AOAH: variants seen among roughly 807,000 people sequenced by gnomAD.
AOAH encodes the protein acyloxyacyl hydrolase, also known as acyloxyacyl hydrolase (neutrophil).
In AOAH, 64 loss-of-function variants were observed where a neutral mutation model predicts 92.2. The observed-to-expected ratio is 0.69, with a 90% CI of 0.57 to 0.86. The LOEUF (loss-of-function observed/expected upper bound fraction) is 0.86, where lower values mean the gene tolerates loss of function less well. Among genes scored for constraint, AOAH ranks in the 40% least tolerant of loss-of-function variants. AOAH has a pLI of 0.00. For synonymous variants in AOAH, 263 were observed against 254.5 expected (o/e 1.03, Z -0.32); for missense variants, 656 against 694.6 (o/e 0.94, Z 0.62).
chr7:36,553,727 CTGA>C (rs1175095360), intron 13 of AOAH, among the ~76,000 whole-genome samples: 1 of 152,078 alleles, frequency 6.6e-6, no homozygotes, highest in Non-Finnish European at 1.5e-5. Context: ...TTGCATTTCT[CTGA>C]TGGTCAGTGA....
At chr7:36,644,274 T>C (rs1794092155) in intron 4 of AOAH, among the ~76,000 whole-genome samples, 2 of 151,958 alleles carry the variant, frequency 1.3e-5, no homozygotes, top group African/African-American at 4.8e-5. Context: ...CAGACCCACT[T>C]GGCACAAAGT....
chr7:36,552,603 AATTTACATTCCCACCAAC>A (rs1361836520), intron 13 of AOAH, among the ~76,000 whole-genome samples: 7 of 152,190 alleles, frequency 4.6e-5, no homozygotes, highest in African/African-American at 1.7e-4. Context: ...TGGTTGAACT[AATTTACATTCCCACCAAC>A]AGCGTAAAAG....
At chr7:36,671,598 CGTGTGTGTGT>C (rs1562680554) in intron 3 of AOAH, among the ~76,000 whole-genome samples, 2 of 151,262 alleles carry the variant, frequency 1.3e-5, no homozygotes, top group African/African-American at 4.9e-5. Flanking sequence ...TGTGCTCATG[CGTGTGTGTGT>C]ATGTGTGTGT....
chr7:36,652,867 T>C (rs1163047950), intron 4 of AOAH, among the ~76,000 whole-genome samples: 5 of 152,134 alleles, frequency 3.3e-5, no homozygotes, highest in African/African-American at 1.2e-4. Flanking sequence ...GAAAAAGAAA[T>C]GCAATGCGTG....
intron 1 of AOAH, among the ~76,000 whole-genome samples, chr7:36,692,882 G>C (rs533894845): frequency 6.6e-6 from 1 of 152,276 alleles, no homozygotes; most frequent in South Asian, 2.1e-4. Context: ...GGACACACTG[G>C]TGTAATCTCT....
At chr7:36,710,398 T>C (rs567664155) in intron 1 of AOAH, among the ~76,000 whole-genome samples, 11 of 152,332 alleles carry the variant, frequency 7.2e-5, no homozygotes, top group Admixed American at 5.2e-4. Flanking sequence ...CCCTAACTGA[T>C]GGCTGGGAAG....
At chr7:36,570,265 T>C (rs543564202) in intron 13 of AOAH, among the ~76,000 whole-genome samples, 183 of 126,848 alleles carry the variant, frequency 1.4e-3, no homozygotes, top group African/African-American at 5.0e-3. Flanking sequence ...TCCGGCAGTA[T>C]TCGTCCTTCT....
At chr7:36,609,888 G>A (rs1316386275) in intron 11 of AOAH, among the ~76,000 whole-genome samples, 2 of 151,940 alleles carry the variant, frequency 1.3e-5, no homozygotes, top group Admixed American at 1.3e-4. Context: ...CTGTGCTGCT[G>A]GGCCTGCAGA....
chr7:36,650,085 C>CT (rs1794480815), intron 4 of AOAH, among the ~76,000 whole-genome samples: 1 of 152,112 alleles, frequency 6.6e-6, no homozygotes, highest in East Asian at 1.9e-4. Flanking sequence ...TTGCCACCAT[C>CT]TTGGAAGTGG....
At chr7:36,646,606 T>A (rs1427900244) in intron 4 of AOAH, among the ~76,000 whole-genome samples, 1 of 152,246 alleles carries the variant, frequency 6.6e-6, no homozygotes, top group Non-Finnish European at 1.5e-5. Flanking sequence ...ACGTAGTGGC[T>A]GAAAACAACA....
At chr7:36,548,761 C>T in intron 14 of AOAH, 75 bp from the exon 15 acceptor site, 1 of 1,356,178 alleles carries the variant, frequency 7.4e-7, no homozygotes, top group South Asian at 1.2e-5. Flanking sequence ...ACAGGCTGGG[C>T]CTTTGAAAAC....
chr7:36,724,081 G>T lies in AOAH; in HGVS notation c.68C>A (p.Ala23Asp), dbSNP rs200795608. The change falls in exon 1 of 21, where the codon GCC becomes GAC. Residue 23 changes from alanine to aspartate, a missense_variant. Coordinates refer to ENST00000617537, the MANE Select transcript of AOAH (RefSeq NM_001637.4). Reference protein sequence around the residue: ...LFLLLSLQSSASPANDDQSRP... With the variant: ...LFLLLSLQSSDSPANDDQSRP... The stretch of plus-strand genomic sequence containing the variant: ...GGACTGGTCATCGTTGGCTGGAGAG[G>T]CCGAGGACTGAAGAGACAGGAGCAA... 2.0e-4 allele frequency: 330 copies of T among 1,613,680 alleles called. No homozygotes were observed. Among genetic ancestry groups the T allele is most frequent in the Non-Finnish European group, 2.8e-4 (327 of 1,179,800 alleles).
chr7:36,541,272 T>G (rs1380844505), intron 15 of AOAH, among the ~76,000 whole-genome samples: 1 of 152,216 alleles, frequency 6.6e-6, no homozygotes, highest in Non-Finnish European at 1.5e-5. Context: ...GTGCTTGTGC[T>G]CTATAGAGGG....
chr7:36,593,378 G>A (rs1344995314), intron 12 of AOAH, among the ~76,000 whole-genome samples: 3 of 152,210 alleles, frequency 2.0e-5, no homozygotes, highest in Non-Finnish European at 4.4e-5. Context: ...AATGATTAAT[G>A]TCTGTCCTTT....
intron 13 of AOAH, among the ~76,000 whole-genome samples, chr7:36,551,550 C>A (rs1048401567): frequency 6.6e-6 from 1 of 152,230 alleles, no homozygotes; most frequent in African/African-American, 2.4e-5. Context: ...CTGATAGCCA[C>A]CCTCCTACTT....
intron 1 of AOAH, among the ~76,000 whole-genome samples, chr7:36,696,851 C>T (rs1448309654): frequency 2.8e-5 from 4 of 144,028 alleles, no homozygotes; most frequent in African/African-American, 1.0e-4. Flanking sequence ...GACTACAGAG[C>T]GAGGCTACGT....
intron 13 of AOAH, among the ~76,000 whole-genome samples, chr7:36,562,924 A>G (rs1365195637): frequency 6.6e-6 from 1 of 151,972 alleles, no homozygotes; most frequent in African/African-American, 2.4e-5. Context: ...CAAGGCAGGC[A>G]GATCATGAAG....
intron 13 of AOAH, among the ~76,000 whole-genome samples, chr7:36,559,025 C>T (rs984590145): frequency 3.3e-5 from 5 of 152,242 alleles, no homozygotes; most frequent in African/African-American, 4.8e-5. Context: ...GAGATGAACC[C>T]GGTACCTCAG....
rs1290234529 is a variant in AOAH at position 36,724,322 on chromosome 7, A to G, written c.-174T>C. On this transcript the variant is annotated 5_prime_UTR_variant, in exon 1 of 21. Coordinates refer to ENST00000617537, the MANE Select transcript of AOAH (RefSeq NM_001637.4). ...CTTTTCAATAAGTGTGAAGTGAATA[A>G]AAGCACACATAAACACTCACAGACC... The G allele has an allele frequency of 3.2e-6, 2 of 628,214 alleles. No homozygotes were observed. Among genetic ancestry groups the G allele is most frequent in the African/African-American group, 1.9e-5 (1 of 53,810 alleles). 38.9% of individuals were successfully genotyped at this position (628,214 alleles called of 1,614,324 possible).
Sources: gnomAD v4.1 joint callset for allele counts (sites outside exome capture counted in the v4.1 genomes callset) on GRCh38, gnomAD v4.1.1 for gene constraint, MANE v1.5 for transcripts, NCBI Gene and HGNC (gene_info 2026-07-23, HGNC 2026-07-21) for gene names.